CRPPA: variants seen among roughly 807,000 people sequenced by gnomAD.
The protein encoded by CRPPA is D-ribitol-5-phosphate cytidylyltransferase.
Under a neutral mutation model 52.0 loss-of-function variants are expected in CRPPA, and 43 were observed. The ratio of observed to expected loss-of-function variants is 0.83; its 90% CI spans 0.65 to 1.07. The LOEUF (loss-of-function observed/expected upper bound fraction) is 1.07, where lower values mean the gene tolerates loss of function less well. Ranked by LOEUF, CRPPA falls within the 50% of genes least tolerant of loss-of-function variation. CRPPA has a pLI of 0.00. For missense variants in CRPPA, 629 were observed against 551.7 expected, an observed-to-expected ratio of 1.14 and a Z score of -1.40; for synonymous variants, 250 against 203.5, an observed-to-expected ratio of 1.23 and a Z score of -1.94.
chr7:16,387,044 GATATAT>G (rs57024916), intron 2 of CRPPA, among the ~76,000 whole-genome samples: 8,862 of 95,512 alleles, frequency 0.093, 489 homozygotes, highest in East Asian at 0.16. Flanking sequence ...ATAAAAAAAA[GATATAT>G]ATATATATAT....
At chr7:16,334,023 T>C (rs531885291) in intron 3 of CRPPA, among the ~76,000 whole-genome samples, 7 of 152,120 alleles carry the variant, frequency 4.6e-5, no homozygotes, top group South Asian at 2.1e-4. Context: ...GAAAAAAACA[T>C]TGGGAGTACC....
chr7:16,280,488 C>T (rs1201374441), intron 5 of CRPPA, among the ~76,000 whole-genome samples: 1 of 152,136 alleles, frequency 6.6e-6, no homozygotes, highest in African/African-American at 2.4e-5. Context: ...ACAAAGTAAT[C>T]TGCAAATGCA....
intron 3 of CRPPA, among the ~76,000 whole-genome samples, chr7:16,340,062 AAAAGT>A (rs746624200): frequency 5.9e-5 from 9 of 152,166 alleles, no homozygotes; most frequent in South Asian, 2.1e-4. Context: ...TGCAAAAAAT[AAAAGT>A]CTAGAAAGAC....
At chr7:16,283,023 T>C (rs1451733929) in intron 5 of CRPPA, among the ~76,000 whole-genome samples, 3 of 152,032 alleles carry the variant, frequency 2.0e-5, no homozygotes, top group African/African-American at 7.2e-5. Flanking sequence ...TTCAAATACA[T>C]ATGCCTAGTG....
At chr7:16,384,130 C>T (rs1280373622) in intron 2 of CRPPA, among the ~76,000 whole-genome samples, 2 of 152,154 alleles carry the variant, frequency 1.3e-5, no homozygotes, top group South Asian at 2.1e-4. Context: ...TCCTATTCAG[C>T]CATCTTGGCT....
At chr7:16,148,255 T>C (rs557275610) in intron 9 of CRPPA, among the ~76,000 whole-genome samples, 5 of 152,228 alleles carry the variant, frequency 3.3e-5, no homozygotes, top group Admixed American at 2.0e-4. Context: ...AAATCAAAAA[T>C]ACAACTGTGA....
At chr7:16,218,902 G>C (rs1428606866) in intron 8 of CRPPA, among the ~76,000 whole-genome samples, 3 of 151,570 alleles carry the variant, frequency 2.0e-5, no homozygotes, top group African/African-American at 4.9e-5. Context: ...AAGTCAACAA[G>C]GATACTCAGG....
chr7:16,389,921 AAAAAAAAAT>A (rs1164270141), intron 2 of CRPPA, among the ~76,000 whole-genome samples: 2 of 80,982 alleles, frequency 2.5e-5, no homozygotes, highest in Non-Finnish European at 4.7e-5. Flanking sequence ...TACAAAAAAA[AAAAAAAAAT>A]ATATATATAT....
At chr7:16,237,507 T>A (rs566039902) in intron 8 of CRPPA, 3 of 152,282 alleles carry the variant, frequency 2.0e-5, no homozygotes, top group South Asian at 4.1e-4. Context: ...AGGACCCACC[T>A]CCTAATACCA....
At chr7:16,151,471 A>T (rs1308735858) in intron 9 of CRPPA, among the ~76,000 whole-genome samples, 1 of 152,170 alleles carries the variant, frequency 6.6e-6, no homozygotes, top group African/African-American at 2.4e-5. Context: ...CAGAAATACT[A>T]TGTTGCCTGT....
At chr7:16,216,772 A>G (rs1432384581) in intron 8 of CRPPA, among the ~76,000 whole-genome samples, 1 of 151,000 alleles carries the variant, frequency 6.6e-6, no homozygotes, top group East Asian at 2.0e-4. Flanking sequence ...ATATCCTGCA[A>G]CTGGCTCTGA....
At chr7:16,384,069 A>G (rs746705040) in intron 2 of CRPPA, among the ~76,000 whole-genome samples, 1 of 152,124 alleles carries the variant, frequency 6.6e-6, no homozygotes, top group Non-Finnish European at 1.5e-5. Context: ...GAAATGCAGA[A>G]ATCACCCGTC....
At chr7:16,381,169 C>A (rs1000858517) in intron 2 of CRPPA, among the ~76,000 whole-genome samples, 8 of 152,146 alleles carry the variant, frequency 5.3e-5, no homozygotes, top group Admixed American at 2.6e-4. Flanking sequence ...TGAATGAGTC[C>A]CACAGATTCC....
At chr7:16,157,518 A>G (rs912405836) in intron 9 of CRPPA, among the ~76,000 whole-genome samples, 3 of 152,186 alleles carry the variant, frequency 2.0e-5, no homozygotes, top group African/African-American at 4.8e-5. Context: ...GTATCCTGAA[A>G]TTTGAATTTC....
At chr7:16,165,897 G>A (rs867998238) in intron 9 of CRPPA, among the ~76,000 whole-genome samples, 8 of 152,250 alleles carry the variant, frequency 5.3e-5, no homozygotes, top group South Asian at 2.1e-4. Context: ...AAAATCTTCC[G>A]GATGAAAAGA....
chr7:16,204,262 G>C (rs997135220), intron 9 of CRPPA, among the ~76,000 whole-genome samples: 4 of 152,070 alleles, frequency 2.6e-5, no homozygotes, highest in Non-Finnish European at 5.9e-5. Flanking sequence ...ATTGAGGAAA[G>C]GTTAATCTGA....
intron 5 of CRPPA, among the ~76,000 whole-genome samples, chr7:16,291,259 A>G (rs1417618755): frequency 1.3e-5 from 2 of 151,968 alleles, no homozygotes; most frequent in Admixed American, 6.6e-5. Flanking sequence ...CTACTATGCT[A>G]CTCAGCATAT....
Position 16,406,261 on chromosome 7 carries a change from A to C in CRPPA, c.334T>G (p.Tyr112Asp), listed in dbSNP as rs1281479457. The stretch of plus-strand genomic sequence containing the variant: ...ACCAGTGAGATGCGTTTATGCTGAT[A>C]CTTCTGAATAATACTTTTCATTACT... ...MEVMKSIIQKYQHKRISLVEA... is the reference protein window; with the variant it reads ...MEVMKSIIQKDQHKRISLVEA... The change falls in exon 2 of 10, where the codon TAT becomes GAT. Residue 112 changes from tyrosine (Y) to aspartate (D), a missense_variant. Transcript: ENST00000407010. The C allele has an allele frequency of 6.2e-7, 1 of 1,613,888 alleles. No individual in the cohort carries two copies. Among genetic ancestry groups the C allele is most frequent in the Admixed American group, 1.7e-5 (1 of 60,002 alleles).
At chr7:16,097,195 C>T (rs1046494997) in intron 9 of CRPPA, among the ~76,000 whole-genome samples, 2 of 152,056 alleles carry the variant, frequency 1.3e-5, no homozygotes, top group Non-Finnish European at 2.9e-5. Context: ...TAATAATTCA[C>T]AAAGTCTTAG....
Sources: gnomAD v4.1 joint callset for allele counts (sites outside exome capture counted in the v4.1 genomes callset) on GRCh38, gnomAD v4.1.1 for gene constraint, MANE v1.5 for transcripts, NCBI Gene and HGNC (gene_info 2026-07-23, HGNC 2026-07-21) for gene names.